Variants in TMCC3 observed in about 807,000 individuals in gnomAD.
The protein encoded by TMCC3 is transmembrane and coiled-coil domain family 3, also known as transmembrane and coiled-coil domain protein 3.
A neutral mutation model predicts 40.2 loss-of-function variants in TMCC3; 28 were observed. The ratio of observed to expected loss-of-function variants is 0.70; its 90% CI spans 0.52 to 0.95. The LOEUF (loss-of-function observed/expected upper bound fraction) is 0.95. Ranked by LOEUF, TMCC3 falls within the 40% of genes least tolerant of loss-of-function variation. The pLI, the probability that TMCC3 is intolerant of heterozygous loss-of-function variation, is 0.00. For synonymous variants in TMCC3, 255 were observed against 248.5 expected (o/e 1.03, Z -0.25); for missense variants, 554 against 615.2 (o/e 0.90, Z 1.05).
chr12:94,615,107 C>A (rs2068840583), intron 1 of TMCC3, among the ~76,000 whole-genome samples: 1 of 152,072 alleles, frequency 6.6e-6, no homozygotes, highest in African/African-American at 2.4e-5. Flanking sequence ...GACAAAACCA[C>A]CTGAATTAAT....
intron 1 of TMCC3, among the ~76,000 whole-genome samples, chr12:94,636,066 T>C (rs1371047513): frequency 1.3e-5 from 2 of 152,192 alleles, no homozygotes; most frequent in Non-Finnish European, 2.9e-5. Context: ...TACAACCTTC[T>C]GTGTTCGACA....
intron 1 of TMCC3, among the ~76,000 whole-genome samples, chr12:94,617,011 G>T (rs888413783): frequency 4.6e-5 from 7 of 152,212 alleles, no homozygotes; most frequent in Non-Finnish European, 1.0e-4. Flanking sequence ...AGCTGGTGAA[G>T]GCTGGATGTA....
chr12:94,578,615 C>G, intron 2 of TMCC3, 86 bp from the exon 3 acceptor site: 1 of 1,455,514 alleles, frequency 6.9e-7, no homozygotes, highest in East Asian at 2.5e-5. Context: ...GCGCCAGTAC[C>G]TTTTGGCTTG....
chr12:94,579,839 G>C (rs537358608), intron 2 of TMCC3, among the ~76,000 whole-genome samples: 1 of 152,320 alleles, frequency 6.6e-6, no homozygotes, highest in Admixed American at 6.5e-5. Context: ...GATGCAAACA[G>C]AAACCGTCCT....
rs1217770278 is a variant in TMCC3 at position 94,582,068 on chromosome 12, G to GCT, written c.547_548dup (p.Ser183ArgfsTer28). ...AGACCCCTGGCATGCCCGATTTGCT[G>GCT]CTCTCCATGCAATGGGGGGCAGTTC... On this transcript the variant is annotated frameshift_variant, in exon 2 of 4. Coordinates refer to ENST00000261226, the MANE Select transcript of TMCC3 (RefSeq NM_020698.4). LOFTEE classifies it high-confidence loss of function. The GCT allele has an allele frequency of 6.2e-7, 1 of 1,614,062 alleles. No individual in the cohort carries two copies. Among genetic ancestry groups the GCT allele is most frequent in the Non-Finnish European group, 8.5e-7 (1 of 1,180,052 alleles).
rs778912272 is a variant in TMCC3 at position 94,607,695 on chromosome 12, C to T, written c.79-25157G>A. Among the ~76,000 whole-genome samples the T allele has an allele frequency of 3.9e-5, 6 of 152,120 alleles. No homozygotes were observed. The East Asian group carries it at 7.7e-4, about 20-fold the overall frequency. ...TGCTGGGATTACAGGCATGAGCCAC[C>T]GTGCCCAGCCTGAAAGAAGGTGAAC... On this transcript the variant is annotated intron_variant, in intron 1 of 3. Coordinates refer to ENST00000261226, the MANE Select transcript of TMCC3 (RefSeq NM_020698.4).
intron 1 of TMCC3, among the ~76,000 whole-genome samples, chr12:94,593,431 AAGGAGAAGGAGAAGG>A (rs2068694764): frequency 1.6e-5 from 1 of 61,018 alleles, no homozygotes; most frequent in Admixed American, 1.6e-4. Flanking sequence ...AAGGAAGAAG[AAGGAGAAGGAGAAGG>A]AGAAGGAGAA....
chr12:94,569,969 T>G lies in TMCC3; in HGVS notation c.*1466A>C, dbSNP rs1051101452. 2.0e-5 allele frequency: 3 copies of G among 152,126 alleles called. No individual in the cohort carries two copies. Among genetic ancestry groups the G allele is most frequent in the African/African-American group, 2.4e-5 (1 of 41,414 alleles). The allele number at this position is 152,126 out of a possible 1,614,324, so 9.4% of individuals were successfully genotyped here. ...TTTGTTATACACACAGAGACACAGA[T>G]TTAAAGGAAAGTATCATCTGGGCTG... On this transcript the variant is annotated 3_prime_UTR_variant, in exon 4 of 4. Coordinates refer to ENST00000261226, the MANE Select transcript of TMCC3 (RefSeq NM_020698.4).
intron 1 of TMCC3, among the ~76,000 whole-genome samples, chr12:94,605,624 T>C (rs907232678): frequency 1.3e-5 from 2 of 152,182 alleles, no homozygotes; most frequent in Admixed American, 1.3e-4. Flanking sequence ...ATTCATAATT[T>C]ATTCCATCTC....
chr12:94,573,575 C>G (rs1441797458), intron 3 of TMCC3, among the ~76,000 whole-genome samples: 1 of 152,074 alleles, frequency 6.6e-6, no homozygotes, highest in Non-Finnish European at 1.5e-5. Context: ...CTGGCCTTTT[C>G]TAAGTTCTTT....
chr12:94,584,622 T>A (rs900822761), intron 1 of TMCC3, among the ~76,000 whole-genome samples: 1 of 150,980 alleles, frequency 6.6e-6, no homozygotes. Flanking sequence ...TGGGACACCA[T>A]CCTAGATGGG....
At chr12:94,602,235 A>C (rs2138851014) in intron 1 of TMCC3, among the ~76,000 whole-genome samples, 1 of 152,344 alleles carries the variant, frequency 6.6e-6, no homozygotes, top group East Asian at 1.9e-4. Context: ...AACTTCTGTG[A>C]ATCATTACGA....
chr12:94,588,235 G>A (rs745442346), intron 1 of TMCC3, among the ~76,000 whole-genome samples: 11 of 152,098 alleles, frequency 7.2e-5, no homozygotes, highest in Non-Finnish European at 1.0e-4. Context: ...GTATTAACCC[G>A]CTAAAGCTCC....
intron 2 of TMCC3, 23 bp downstream of exon 2, chr12:94,581,599 G>T: frequency 7.6e-7 from 1 of 1,310,634 alleles, no homozygotes; most frequent in Non-Finnish European, 9.9e-7. Context: ...TAAAAAACAC[G>T]CCAATGGAAT....
chr12:94,649,527 TTCAA>T (rs141842346), intron 1 of TMCC3, among the ~76,000 whole-genome samples: 3,561 of 152,336 alleles, frequency 0.023, 69 homozygotes, highest in Admixed American at 0.037. Context: ...TAAATGGCAC[TTCAA>T]TCAGCCCTGG....
At chr12:94,615,637 A>G (rs2068843619) in intron 1 of TMCC3, among the ~76,000 whole-genome samples, 1 of 152,154 alleles carries the variant, frequency 6.6e-6, no homozygotes, top group South Asian at 2.1e-4. Context: ...GCACAATCCA[A>G]CCCAGATATT....
chr12:94,586,008 A>G (rs2068636289), intron 1 of TMCC3, among the ~76,000 whole-genome samples: 1 of 152,200 alleles, frequency 6.6e-6, no homozygotes. Context: ...CCCTGGAATC[A>G]TTTAAGACAC....
At chr12:94,578,793 C>A (rs2068583275) in intron 2 of TMCC3, among the ~76,000 whole-genome samples, 1 of 152,188 alleles carries the variant, frequency 6.6e-6, no homozygotes, top group Non-Finnish European at 1.5e-5. Context: ...CCTTAGCTAG[C>A]TGCAGTGACC....
At chr12:94,631,544 C>T (rs768789312) in intron 1 of TMCC3, among the ~76,000 whole-genome samples, 11 of 152,140 alleles carry the variant, frequency 7.2e-5, no homozygotes, top group Non-Finnish European at 1.2e-4. Flanking sequence ...CTCTTTCCCT[C>T]CTGGTTCTCA....
Sources: gnomAD v4.1 joint callset for allele counts (sites outside exome capture counted in the v4.1 genomes callset) on GRCh38, gnomAD v4.1.1 for gene constraint, MANE v1.5 for transcripts, NCBI Gene and HGNC (gene_info 2026-07-23, HGNC 2026-07-21) for gene names.